HS3ST5: variants seen among roughly 807,000 people sequenced by gnomAD.
The protein encoded by HS3ST5 is heparan sulfate-glucosamine 3-sulfotransferase 5, also known as heparan sulfate glucosamine 3-O-sulfotransferase 5.
In HS3ST5, 10 loss-of-function variants were observed where a neutral mutation model predicts 25.4. The ratio of observed to expected loss-of-function variants is 0.39; its 90% CI spans 0.24 to 0.67. HS3ST5 has a LOEUF of 0.67. Among genes scored for constraint, HS3ST5 ranks in the 30% least tolerant of loss-of-function variants. HS3ST5 has a pLI of 0.44. For missense variants in HS3ST5, 324 were observed against 420.7 expected, an observed-to-expected ratio of 0.77 and a Z score of 2.01; for synonymous variants, 170 against 162.4, an observed-to-expected ratio of 1.05 and a Z score of -0.36.
intron 1 of HS3ST5, among the ~76,000 whole-genome samples, chr6:114,291,549 G>T (rs1774579007): frequency 1.3e-5 from 2 of 152,144 alleles, no homozygotes; most frequent in African/African-American, 4.8e-5. Context: ...TACAGGCAAT[G>T]CCATGGAGAT....
intron 3 of HS3ST5, among the ~76,000 whole-genome samples, chr6:114,078,815 T>G (rs1335122964): frequency 6.6e-6 from 1 of 152,180 alleles, no homozygotes; most frequent in Non-Finnish European, 1.5e-5. Context: ...TTAGTGCAAA[T>G]CTAATCCTTG....
Position 114,095,096 on chromosome 6 carries a change from C to T in HS3ST5, c.-32-32219G>A, listed in dbSNP as rs766897645. ...GCTAAGCCATGCCCAAACTCATGCC[C>T]CATAGGATTGATGAGGTAATAAATG... is the stretch of plus-strand genomic sequence containing the variant. On this transcript the variant is annotated intron_variant, in intron 3 of 4. Transcript: ENST00000312719. Among the ~76,000 whole-genome samples, 36 of 152,178 alleles carry T rather than the reference C, an allele frequency of 2.4e-4. 1 individual carries two copies. Among genetic ancestry groups the T allele is most frequent in the Non-Finnish European group, 8.8e-5 (6 of 68,040 alleles).
chr6:114,226,459 T>C (rs1173470896), intron 2 of HS3ST5, among the ~76,000 whole-genome samples: 1 of 151,962 alleles, frequency 6.6e-6, no homozygotes, highest in African/African-American at 2.4e-5. Flanking sequence ...GAAGAAATCA[T>C]TATTGAAAAA....
At chr6:114,277,156 G>A (rs760017592) in intron 1 of HS3ST5, among the ~76,000 whole-genome samples, 1 of 150,758 alleles carries the variant, frequency 6.6e-6, no homozygotes, top group African/African-American at 2.4e-5. Flanking sequence ...TCAGGTTAAC[G>A]TTTCAAATAT....
chr6:114,134,041 A>AAGG (rs112074450), intron 3 of HS3ST5, among the ~76,000 whole-genome samples: 4 of 151,862 alleles, frequency 2.6e-5, no homozygotes, highest in African/African-American at 4.8e-5. Flanking sequence ...TGGAGAGAAA[A>AAGG]AGGAGGAGGA....
At chr6:114,063,858 A>G (rs9488315) in intron 3 of HS3ST5, among the ~76,000 whole-genome samples, 1,672 of 151,328 alleles carry the variant, frequency 0.011, 25 homozygotes, top group African/African-American at 0.035. Context: ...TTGCTATGTG[A>G]CCTCCCCTGG....
chr6:114,248,216 AAAT>A (rs1344572481), intron 1 of HS3ST5, among the ~76,000 whole-genome samples: 49 of 140,944 alleles, frequency 3.5e-4, no homozygotes, highest in African/African-American at 1.2e-3. Flanking sequence ...ATGAAAAAAA[AAAT>A]ATATATATAT....
intron 1 of HS3ST5, among the ~76,000 whole-genome samples, chr6:114,288,527 T>G (rs900180993): frequency 6.6e-6 from 1 of 151,872 alleles, no homozygotes; most frequent in African/African-American, 2.4e-5. Flanking sequence ...CATAAGAGAC[T>G]TGTACCTTCC....
At chr6:114,242,468 A>G (rs1335264122) in intron 1 of HS3ST5, among the ~76,000 whole-genome samples, 1 of 152,200 alleles carries the variant, frequency 6.6e-6, no homozygotes. Context: ...CTAAATGTAT[A>G]CTATATAACT....
At chr6:114,303,630 G>A (rs145192293) in intron 1 of HS3ST5, among the ~76,000 whole-genome samples, 3 of 152,170 alleles carry the variant, frequency 2.0e-5, no homozygotes, top group Non-Finnish European at 2.9e-5. Context: ...GTTTTCTCAC[G>A]TTGGTACTTA....
intron 3 of HS3ST5, among the ~76,000 whole-genome samples, chr6:114,163,024 GGCCA>G: frequency 6.6e-6 from 1 of 152,170 alleles, no homozygotes; most frequent in Non-Finnish European, 1.5e-5. Flanking sequence ...AAAAATAGTT[GGCCA>G]TCAATGGACA....
At chr6:114,225,443 T>A (rs922126834) in intron 2 of HS3ST5, among the ~76,000 whole-genome samples, 18 of 151,808 alleles carry the variant, frequency 1.2e-4, no homozygotes, top group Non-Finnish European at 2.4e-4. Flanking sequence ...CCCTCTGGGA[T>A]CATCTGGTGT....
intron 1 of HS3ST5, among the ~76,000 whole-genome samples, chr6:114,249,550 T>C (rs1022789304): frequency 2.6e-5 from 4 of 152,188 alleles, no homozygotes; most frequent in Non-Finnish European, 4.4e-5. Flanking sequence ...CCTCAAGTGC[T>C]AAGAGTGCTG....
At chr6:114,139,630 T>C (rs761445583) in intron 3 of HS3ST5, among the ~76,000 whole-genome samples, 10 of 152,194 alleles carry the variant, frequency 6.6e-5, no homozygotes, top group Non-Finnish European at 1.2e-4. Flanking sequence ...ATTTAATACA[T>C]GCTAGATTCC....
At chr6:114,222,015 A>G (rs1782066278) in intron 2 of HS3ST5, among the ~76,000 whole-genome samples, 1 of 151,926 alleles carries the variant, frequency 6.6e-6, no homozygotes, top group Admixed American at 6.6e-5. Flanking sequence ...GCTGATTATT[A>G]AACAAAGAAA....
intron 1 of HS3ST5, among the ~76,000 whole-genome samples, chr6:114,308,447 C>T (rs1446470584): frequency 6.6e-5 from 10 of 151,916 alleles, no homozygotes; most frequent in Non-Finnish European, 1.0e-4. Context: ...ATTAGCCGGG[C>T]GTGGTGGCAG....
At chr6:114,183,591 TGGTACCAAGAA>T (rs1257684540) in intron 2 of HS3ST5, among the ~76,000 whole-genome samples, 3 of 152,174 alleles carry the variant, frequency 2.0e-5, no homozygotes, top group Admixed American at 2.0e-4. Flanking sequence ...ACACAGAAAC[TGGTACCAAGAA>T]GTGAAGTGCT....
chr6:114,086,151 TTAC>T (rs1345285168), intron 3 of HS3ST5, among the ~76,000 whole-genome samples: 1 of 152,208 alleles, frequency 6.6e-6, no homozygotes, highest in East Asian at 1.9e-4. Context: ...TGTCTTGGTG[TTAC>T]TACTATTATT....
At chr6:114,071,763 T>C (rs575192382) in intron 3 of HS3ST5, among the ~76,000 whole-genome samples, 1 of 152,370 alleles carries the variant, frequency 6.6e-6, no homozygotes, top group African/African-American at 2.4e-5. Flanking sequence ...AGTGTTTCTA[T>C]CTTTTTATTT....
Sources: allele counts gnomAD v4.1 joint callset (sites outside exome capture counted in the v4.1 genomes callset), GRCh38; gene constraint gnomAD v4.1.1; transcripts MANE v1.5; gene names NCBI Gene and HGNC (gene_info 2026-07-23, HGNC 2026-07-21).